The following CRLF1 variants were observed in gnomAD, a reference collection of about 807,000 sequenced individuals.
CRLF1 encodes the protein cytokine receptor-like factor 1.
CRLF1 carries 36 observed loss-of-function variants against 48.9 expected under a neutral mutation model. The observed-to-expected ratio is 0.74, with a 90% CI of 0.56 to 0.97. The LOEUF (loss-of-function observed/expected upper bound fraction) is 0.97, where lower values mean the gene tolerates loss of function less well. Among genes scored for constraint, CRLF1 ranks in the 50% least tolerant of loss-of-function variants. The pLI is 0.00. For synonymous variants in CRLF1, 256 were observed against 253.4 expected (o/e 1.01, Z -0.10); for missense variants, 534 against 575.1 (o/e 0.93, Z 0.73).
At position 18,596,894 on chromosome 19, in the gene CRLF1, T is replaced by C; in HGVS notation, c.853A>G (p.Lys285Glu). 1 of 1,614,042 alleles carries C rather than the reference T, an allele frequency of 6.2e-7. No individual in the cohort carries two copies. ...GAGTCAGGGAAGGGGAGGGTCACCT[T>C]CCAGTCCACACTGTCCTCCACTCGG... ...RYRVEDSVDW[K>E]VVDDVSNQTS... The change falls in exon 5 of 9, where the codon AAG becomes GAG. Residue 285 changes from lysine (K) to glutamate (E), a missense_variant and splice_region_variant. This residue lies in a region of CRLF1 where 528 missense variants were observed against 555.7 expected (regional missense o/e 0.95). Coordinates refer to ENST00000392386, the MANE Select transcript of CRLF1 (RefSeq NM_004750.5).
chr19:18,600,471 C>A (rs1482650433), intron 1 of CRLF1, among the ~76,000 whole-genome samples: 2 of 152,040 alleles, frequency 1.3e-5, no homozygotes, highest in Non-Finnish European at 1.5e-5. Flanking sequence ...CGGGATCATG[C>A]CATTCTCCTG....
chr19:18,599,809 G>A lies in CRLF1; in HGVS notation c.153C>T (p.Leu51=), dbSNP rs767093375. ...AGGTGGCCAGCAGGGAGGAGCCGAT[G>A]AGAAGCGTGGGATCCTGGGGACTGA... ...AVISPQDPTL[L]IGSSLLATCS... Residue 51 remains leucine (L), a synonymous_variant, in exon 2 of 9, where the codon CTC becomes CTT. Coordinates refer to ENST00000392386, the MANE Select transcript of CRLF1 (RefSeq NM_004750.5). 114 of 1,570,054 alleles carry A rather than the reference G, an allele frequency of 7.3e-5. No individual in the cohort carries two copies. The highest frequency in any genetic ancestry group is 3.1e-5 in the Non-Finnish European group (36 of 1,154,690).
intron 1 of CRLF1, among the ~76,000 whole-genome samples, chr19:18,605,950 GCGCCGC>G (rs1976288094): frequency 6.6e-6 from 1 of 152,132 alleles, no homozygotes; most frequent in Admixed American, 6.5e-5. Context: ...ACGGTTCTAA[GCGCCGC>G]CGGTGGCGGG....
At chr19:18,594,032 T>TGGGCGGC in intron 8 of CRLF1, 33 bp downstream of exon 8, 3 of 695,814 alleles carry the variant, frequency 4.3e-6, no homozygotes, top group African/African-American at 2.1e-5. Context: ...CTCCCCTTGC[T>TGGGCGGC]CCCTCCCGCC....
intron 6 of CRLF1, among the ~76,000 whole-genome samples, chr19:18,595,441 C>T (rs1000756769): frequency 2.6e-5 from 4 of 152,236 alleles, no homozygotes; most frequent in African/African-American, 9.6e-5. Context: ...CCTCAGTTTC[C>T]CTATCATCTC....
chr19:18,595,367 T>G (rs1414068768), intron 6 of CRLF1, among the ~76,000 whole-genome samples: 1 of 152,192 alleles, frequency 6.6e-6, no homozygotes, highest in East Asian at 1.9e-4. Context: ...GGGCCCAGGA[T>G]AGGGGCTGGG....
At chr19:18,598,978 C>T (rs1600653334) in intron 2 of CRLF1, 77 bp from the exon 3 acceptor site, 1 of 1,583,374 alleles carries the variant, frequency 6.3e-7, no homozygotes, top group Admixed American at 1.7e-5. Flanking sequence ...TTGCTGCCCA[C>T]CCACCAGGCC....
At chr19:18,594,032 T>TGTGGGGGC in intron 8 of CRLF1, 33 bp downstream of exon 8, 1 of 695,810 alleles carries the variant, frequency 1.4e-6, no homozygotes, top group Non-Finnish European at 2.2e-6. Flanking sequence ...CTCCCCTTGC[T>TGTGGGGGC]CCCTCCCGCC....
rs146754384 is a variant in CRLF1, at chr19:18,600,354, A to G, written c.116-508T>C. 2.0e-3 allele frequency among the ~76,000 whole-genome samples: 286 copies of G among 141,092 alleles called. 1 individual carries two copies. Among genetic ancestry groups the G allele is most frequent in the African/African-American group, 5.5e-3 (207 of 37,560 alleles). 92.6% of individuals were successfully genotyped at this position (141,092 alleles called of 152,430 possible). On this transcript the variant is annotated intron_variant, in intron 1 of 8. Transcript: ENST00000392386. Reference sequence around the variant, plus strand: ...GCTGGGACTTCAGGTGTGCACCACCATGCCTGACTAACTTTTGTATTTTTT... The same window carrying G: ...GCTGGGACTTCAGGTGTGCACCACCGTGCCTGACTAACTTTTGTATTTTTT...
Position 18,597,033 on chromosome 19 carries a change from C to CG in CRLF1, c.713dup (p.Pro239AlafsTer91), listed in dbSNP as rs768727082. 57 of 1,612,466 alleles carry CG rather than the reference C, an allele frequency of 3.5e-5. No individual in the cohort carries two copies. In the Admixed American group the frequency reaches 4.0e-4, roughly 11 times the overall value. On this transcript the variant is annotated frameshift_variant, in exon 5 of 9. Transcript: ENST00000392386. LOFTEE classifies it high-confidence loss of function. ...CGACGCGGCTCACGTGCACGTCGGGCGGGGGGTCCGTGGTCACTGCGGGGC... is the reference window on the plus strand; with the variant it reads ...CGACGCGGCTCACGTGCACGTCGGGCGGGGGGGTCCGTGGTCACTGCGGGGC...
intron 1 of CRLF1, among the ~76,000 whole-genome samples, chr19:18,602,958 G>A (rs1334196460): frequency 6.6e-6 from 1 of 152,168 alleles, no homozygotes; most frequent in Non-Finnish European, 1.5e-5. Context: ...TGATCCACCC[G>A]CCTTGGCCTC....
In CRLF1 at chr19:18,606,712, G is replaced by C. The variant is rs1417352888; in HGVS notation, c.-56C>G. On this transcript the variant is annotated 5_prime_UTR_variant, in exon 1 of 9. Transcript: ENST00000392386. This position sits in a 1 kb window ranked among gnomAD's most constrained non-coding sequence, Gnocchi z 4.8. ...GCTGCGGCTCGGCGGCGGTGGCGCA[G>C]GGCGCGGGACGCAGGCCGGGCGCGG... 1 of 256,044 alleles carries C rather than the reference G, an allele frequency of 3.9e-6. No individual in the cohort carries two copies. The highest frequency in any genetic ancestry group is 1.8e-4 in the East Asian group (1 of 5,526). The allele number at this position is 256,044 out of a possible 1,614,324, so 15.9% of individuals were successfully genotyped here.
chr19:18,593,929 A>C, intron 8 of CRLF1, 136 bp downstream of exon 8: 1 of 1,476,130 alleles, frequency 6.8e-7, no homozygotes, highest in Admixed American at 2.2e-5. Context: ...GATGAATAAC[A>C]AAGGAAGAGG....
At chr19:18,598,380 G>T in intron 4 of CRLF1, 52 bp downstream of exon 4, 1 of 1,567,382 alleles carries the variant, frequency 6.4e-7, no homozygotes, top group East Asian at 2.3e-5. Flanking sequence ...CGGGATGCTC[G>T]GTGGGTGGGG....
Position 18,606,319 on chromosome 19 carries a change from C to T in CRLF1, c.115+223G>A, listed in dbSNP as rs1049936189. On this transcript the variant is annotated intron_variant, in intron 1 of 8. Transcript: ENST00000392386. This position sits in a 1 kb window ranked among gnomAD's most constrained non-coding sequence, Gnocchi z 4.8. ...TGGCCTGGCGCCCTCGGCCCAGCTG[C>T]CCAGGTAACAGGGCCTCGGGCGCGG... 9.9e-5 allele frequency among the ~76,000 whole-genome samples: 15 copies of T among 151,548 alleles called. No homozygotes were observed. Among genetic ancestry groups the T allele is most frequent in the Admixed American group, 9.8e-4 (15 of 15,254 alleles).
chr19:18,597,431 C>CTTTTTTTT (rs765610119), intron 4 of CRLF1, among the ~76,000 whole-genome samples: 5 of 81,642 alleles, frequency 6.1e-5, no homozygotes, highest in Non-Finnish European at 8.7e-5. Flanking sequence ...CCCTTCCACT[C>CTTTTTTTT]TTTTTTTTTT....
At chr19:18,594,032 T>TGGGGGCCCC in intron 8 of CRLF1, 33 bp downstream of exon 8, 15 of 695,772 alleles carry the variant, frequency 2.2e-5, no homozygotes, top group East Asian at 4.7e-5. Context: ...CTCCCCTTGC[T>TGGGGGCCCC]CCCTCCCGCC....
chr19:18,593,975 G>T (rs985906040), intron 8 of CRLF1, 90 bp downstream of exon 8: 45 of 1,514,264 alleles, frequency 3.0e-5, no homozygotes, highest in Non-Finnish European at 3.8e-5. Flanking sequence ...GGCTGGGGTT[G>T]GGAGGCGTGG....
chr19:18,601,386 C>T (rs1306501844), intron 1 of CRLF1, among the ~76,000 whole-genome samples: 1 of 152,126 alleles, frequency 6.6e-6, no homozygotes, highest in Non-Finnish European at 1.5e-5. Context: ...AAGTGATTCT[C>T]CTGCGTCAGC....
Sources: allele counts gnomAD v4.1 joint callset (sites outside exome capture counted in the v4.1 genomes callset), GRCh38; gene constraint gnomAD v4.1.1; regional missense constraint gnomAD v4.1.1; non-coding constraint Gnocchi (gnomAD v3.1); transcripts MANE v1.5; gene names NCBI Gene and HGNC (gene_info 2026-07-23, HGNC 2026-07-21).